The following MYO6 variants were observed in gnomAD, a reference collection of about 807,000 sequenced individuals.
The protein encoded by MYO6 is unconventional myosin-VI.
MYO6 carries 74 observed loss-of-function variants against 178.7 expected under a neutral mutation model. The observed-to-expected ratio is 0.41, with a 90% CI of 0.34 to 0.50. MYO6 has a LOEUF of 0.50. Among genes scored for constraint, MYO6 ranks in the 20% least tolerant of loss-of-function variants. The pLI is 0.09. For missense variants in MYO6, 1,330 were observed against 1,547.4 expected (o/e 0.86, Z 2.36); for synonymous variants, 477 against 504.6 (o/e 0.95, Z 0.73).
intron 11 of MYO6, among the ~76,000 whole-genome samples, chr6:75,849,657 T>C (rs937596879): frequency 6.6e-6 from 1 of 152,040 alleles, no homozygotes; most frequent in African/African-American, 2.4e-5. Flanking sequence ...GCTTTCACAG[T>C]GTGGAAGGGG....
intron 1 of MYO6, among the ~76,000 whole-genome samples, chr6:75,784,032 C>T (rs898103642): frequency 3.3e-5 from 5 of 151,910 alleles, no homozygotes; most frequent in African/African-American, 4.8e-5. Context: ...AGTGCGGTGG[C>T]GCCATCTCCG....
chr6:75,839,179 A>T (rs898713983), intron 7 of MYO6, among the ~76,000 whole-genome samples: 1 of 151,510 alleles, frequency 6.6e-6, no homozygotes, highest in Admixed American at 6.6e-5. Flanking sequence ...TTATTTTTTA[A>T]TTTATTTTAT....
intron 1 of MYO6, among the ~76,000 whole-genome samples, chr6:75,803,443 TCATA>T (rs989595257): frequency 6.6e-5 from 10 of 152,158 alleles, no homozygotes; most frequent in African/African-American, 2.2e-4. Flanking sequence ...TGTGAAAAGG[TCATA>T]CATCAGGACC....
intron 10 of MYO6, among the ~76,000 whole-genome samples, chr6:75,845,986 C>CAAA (rs35630499): frequency 2.6e-4 from 28 of 108,224 alleles, no homozygotes; most frequent in Non-Finnish European, 4.0e-4. Context: ...GACTCTGTCT[C>CAAA]AAAAAAAAAA....
intron 30 of MYO6, among the ~76,000 whole-genome samples, chr6:75,901,342 G>A (rs997662558): frequency 2.0e-5 from 3 of 152,294 alleles, no homozygotes; most frequent in African/African-American, 7.2e-5. Context: ...CCATTTTCAC[G>A]ATATTGATTC....
chr6:75,753,455 G>GTGTATA (rs370647728), intron 1 of MYO6, among the ~76,000 whole-genome samples: 130 of 140,050 alleles, frequency 9.3e-4, no homozygotes, highest in Middle Eastern at 7.4e-3. Context: ...GTGTGTGTGT[G>GTGTATA]TATATATATA....
intron 15 of MYO6, 142 bp downstream of exon 15, chr6:75,861,237 T>C (rs1305224612): frequency 1.4e-6 from 1 of 699,734 alleles, no homozygotes; most frequent in East Asian, 2.7e-5. Flanking sequence ...TCTGTATTAC[T>C]GCCTGGAAGT....
chr6:75,763,123 A>T (rs936941273), intron 1 of MYO6, among the ~76,000 whole-genome samples: 3 of 150,688 alleles, frequency 2.0e-5, no homozygotes, highest in Non-Finnish European at 2.9e-5. Flanking sequence ...ACCGTCCGAG[A>T]TCAAGCGATT....
chr6:75,799,389 T>TAA (rs11358717), intron 1 of MYO6, among the ~76,000 whole-genome samples: 10 of 133,722 alleles, frequency 7.5e-5, no homozygotes, highest in African/African-American at 2.1e-4. Context: ...AAACTCTGTC[T>TAA]AAAAAAAAAA....
At chr6:75,770,914 A>G (rs988887584) in intron 1 of MYO6, among the ~76,000 whole-genome samples, 1 of 152,140 alleles carries the variant, frequency 6.6e-6, no homozygotes, top group Non-Finnish European at 1.5e-5. Context: ...TAACAGTATA[A>G]ATATTTTGAT....
chr6:75,866,946 G>T lies in MYO6; in HGVS notation c.1785G>T (p.Glu595Asp), dbSNP rs200827959. The T allele has an allele frequency of 5.5e-5, 89 of 1,613,850 alleles. 1 individual carries two copies. In the Middle Eastern group the frequency reaches 1.3e-3, roughly 24 times the overall value. The change falls in exon 18 of 35, where the codon GAG (glutamate) becomes GAT (aspartate). Residue 595 changes from glutamate to aspartate, a missense_variant. This residue lies in a region of MYO6 where 613 missense variants were observed against 816.8 expected (regional missense o/e 0.75). Coordinates refer to ENST00000369977, the MANE Select transcript of MYO6 (RefSeq NM_004999.4). ...TTATTTTTCAGACCCAGTTTGTGGAGAAAAATAATGATGCTTTACATATGT... is the reference window on the plus strand; with the variant it reads ...TTATTTTTCAGACCCAGTTTGTGGATAAAAATAATGATGCTTTACATATGT... ...AVCYETTQFV[E>D]KNNDALHMSL...
At chr6:75,842,263 CTG>C (rs1457021687) in intron 9 of MYO6, among the ~76,000 whole-genome samples, 5 of 151,966 alleles carry the variant, frequency 3.3e-5, no homozygotes, top group African/African-American at 1.2e-4. Flanking sequence ...GGAGCGGTGA[CTG>C]GGGATGGTTT....
intron 1 of MYO6, among the ~76,000 whole-genome samples, chr6:75,768,477 C>T (rs1778635750): frequency 6.6e-6 from 1 of 150,440 alleles, no homozygotes; most frequent in Non-Finnish European, 1.5e-5. Context: ...GCTTCCTGGG[C>T]TCATGTGATT....
intron 1 of MYO6, among the ~76,000 whole-genome samples, chr6:75,759,371 C>T (rs766620573): frequency 2.2e-4 from 34 of 152,216 alleles, no homozygotes; most frequent in African/African-American, 7.5e-4. Context: ...TGTGGTAAAG[C>T]GCTCAGGGAT....
In MYO6 at chr6:75,848,345, T is replaced by C. The variant is rs746795999; in HGVS notation, c.898-6T>C. On this transcript the variant is annotated splice_region_variant and splice_polypyrimidine_tract_variant and intron_variant, in intron 10 of 34. Transcript: ENST00000369977. ...ATCAGTTAATTGGTGTCTTCTTGTT[T>C]TGTAGTACCTTAAGGCAGGTTCTAT... 6.8e-6 allele frequency: 11 copies of C among 1,613,088 alleles called. No homozygotes were observed. In the East Asian group the frequency reaches 1.8e-4, roughly 26 times the overall value.
At chr6:75,828,416 G>A in intron 3 of MYO6, 124 bp from the exon 4 acceptor site, 1 of 651,560 alleles carries the variant, frequency 1.5e-6, no homozygotes, top group African/African-American at 1.8e-5. Context: ...TAAAAAAGAT[G>A]GAGTTAAATG....
chr6:75,888,335 C>A (rs1357986437), intron 25 of MYO6, among the ~76,000 whole-genome samples: 1 of 147,614 alleles, frequency 6.8e-6, no homozygotes, highest in African/African-American at 2.5e-5. Context: ...AATTTGGAGG[C>A]CAGATGTGAT....
intron 30 of MYO6, among the ~76,000 whole-genome samples, chr6:75,901,887 C>G (rs1032015760): frequency 5.4e-4 from 82 of 152,122 alleles, no homozygotes; most frequent in African/African-American, 1.5e-3. Flanking sequence ...TTATTATTTT[C>G]AAATACGTCC....
At chr6:75,853,159 T>G (rs532454620) in intron 11 of MYO6, among the ~76,000 whole-genome samples, 2 of 152,352 alleles carry the variant, frequency 1.3e-5, no homozygotes, top group Admixed American at 1.3e-4. Context: ...CCTGTTGAGA[T>G]TCTTTGCCCA....
Sources: gnomAD v4.1 joint callset for allele counts (sites outside exome capture counted in the v4.1 genomes callset) on GRCh38, gnomAD v4.1.1 for gene constraint, gnomAD v4.1.1 regional missense constraint, MANE v1.5 for transcripts, NCBI Gene and HGNC (gene_info 2026-07-23, HGNC 2026-07-21) for gene names.